Variants in CCNB1IP1 observed in about 807,000 individuals in gnomAD.
CCNB1IP1 encodes cyclin B1 interacting protein 1.
A neutral mutation model predicts 25.6 loss-of-function variants in CCNB1IP1; 14 were observed. That is an observed-to-expected ratio of 0.55 (90% CI 0.36 to 0.85). The LOEUF is 0.85. Ranked by LOEUF, CCNB1IP1 falls within the 40% of genes least tolerant of loss-of-function variation. CCNB1IP1 has a pLI of 0.01. For synonymous variants in CCNB1IP1, 119 were observed against 116.1 expected, an observed-to-expected ratio of 1.02 and a Z score of -0.16; for missense variants, 278 against 342.4, an observed-to-expected ratio of 0.81 and a Z score of 1.48.
chr14:20,332,922 A>G (rs1340261353), intron 1 of CCNB1IP1: 1 of 152,270 alleles, frequency 6.6e-6, no homozygotes, highest in Admixed American at 6.5e-5. Flanking sequence ...TCAAAACAGC[A>G]TTAGGATGAT....
At chr14:20,332,760 G>C (rs1883290316) in intron 1 of CCNB1IP1, 1 of 152,190 alleles carries the variant, frequency 6.6e-6, no homozygotes, top group African/African-American at 2.4e-5. Context: ...AAGCCGAAAT[G>C]ATCTGAGCGA....
At chr14:20,316,763 A>T (rs1488930637) in intron 4 of CCNB1IP1, among the ~76,000 whole-genome samples, 1 of 152,232 alleles carries the variant, frequency 6.6e-6, no homozygotes, top group Non-Finnish European at 1.5e-5. Flanking sequence ...AAACGCTTTA[A>T]GGACAAAGGT....
At chr14:20,325,708 G>A (rs1883054915) in intron 3 of CCNB1IP1, 55 bp from the exon 4 acceptor site, 1 of 152,126 alleles carries the variant, frequency 6.6e-6, no homozygotes, top group Admixed American at 6.5e-5. Context: ...GTTACTTTGA[G>A]TTGTTTGTAT....
At chr14:20,332,008 A>ATATATATATATGATGTG (rs1566407930) in intron 1 of CCNB1IP1, among the ~76,000 whole-genome samples, 1 of 65,924 alleles carries the variant, frequency 1.5e-5, no homozygotes, top group African/African-American at 7.6e-5. Flanking sequence ...GTGTATACAT[A>ATATATATATATGATGTG]TATATATATA....
chr14:20,325,130 A>G (rs1191982243), intron 4 of CCNB1IP1, among the ~76,000 whole-genome samples: 2 of 147,776 alleles, frequency 1.4e-5, no homozygotes, highest in Non-Finnish European at 3.0e-5. Flanking sequence ...ACTTTTAAAA[A>G]GTGAAATTTA....
intron 2 of CCNB1IP1, among the ~76,000 whole-genome samples, chr14:20,328,493 AAG>A (rs1883143265): frequency 6.6e-6 from 1 of 152,204 alleles, no homozygotes; most frequent in South Asian, 2.1e-4. Flanking sequence ...GAATGTAGAC[AAG>A]AAGCAAGACA....
At chr14:20,327,000 C>T (rs1043449022) in intron 2 of CCNB1IP1, among the ~76,000 whole-genome samples, 17 of 151,960 alleles carry the variant, frequency 1.1e-4, no homozygotes, top group African/African-American at 3.9e-4. Context: ...AGGGCAGGAT[C>T]AGGAGTTCAA....
intron 4 of CCNB1IP1, among the ~76,000 whole-genome samples, chr14:20,322,835 C>A (rs1882938981): frequency 6.6e-6 from 1 of 151,992 alleles, no homozygotes; most frequent in East Asian, 1.9e-4. Context: ...GTTGGCCAGG[C>A]TGGTCTCGAA....
chr14:20,316,658 G>T, intron 4 of CCNB1IP1, 98 bp from the exon 5 acceptor site: 2 of 621,774 alleles, frequency 3.2e-6, no homozygotes, highest in South Asian at 2.2e-5. Context: ...ATAAAATACT[G>T]CACATTTTAT....
rs1044232490 is a variant in CCNB1IP1 at position 20,329,040 on chromosome 14, G to A, written c.-231+134C>T. ...ACTACAAATTGATACTAAATCAGCA[G>A]ATACTCGTGTTAAGATTTCATCACC... On this transcript the variant is annotated intron_variant, in intron 2 of 6. Coordinates refer to ENST00000358932, the MANE Select transcript of CCNB1IP1 (RefSeq NM_021178.5). The A allele has an allele frequency of 9.2e-5, 14 of 152,174 alleles. 1 individual carries two copies. The highest frequency in any genetic ancestry group is 8.5e-4 in the Admixed American group (13 of 15,276). 9.4% of individuals were successfully genotyped at this position (152,174 alleles called of 1,614,324 possible).
In CCNB1IP1 at chr14:20,315,869, C is replaced by G. The variant is rs751696323; in HGVS notation, c.297+358G>C. ...GACTAGCCTGGGCAACACAAGAAAACCCCGTCTCAAAAGGAAGAAAAATTC... is the reference window on the plus strand; with the variant it reads ...GACTAGCCTGGGCAACACAAGAAAAGCCCGTCTCAAAAGGAAGAAAAATTC... On this transcript the variant is annotated intron_variant, in intron 5 of 6. Transcript: ENST00000358932. 108 of 652,552 alleles carry G rather than the reference C, an allele frequency of 1.7e-4. 1 individual carries two copies. In the Admixed American group the frequency reaches 1.9e-3, roughly 11 times the overall value. 40.4% of individuals were successfully genotyped at this position (652,552 alleles called of 1,614,324 possible).
chr14:20,314,585 C>T (rs991889168), intron 5 of CCNB1IP1: 2 of 151,896 alleles, frequency 1.3e-5, no homozygotes, highest in African/African-American at 2.4e-5. Context: ...AGGTATAATC[C>T]GTGAAAGAGA....
chr14:20,312,733 C>A (rs1156324480), intron 6 of CCNB1IP1, among the ~76,000 whole-genome samples: 4 of 151,078 alleles, frequency 2.6e-5, no homozygotes, highest in Admixed American at 6.6e-5. Flanking sequence ...GTCTGCAAGG[C>A]ACCTAACAAG....
chr14:20,320,402 A>C (rs1325854787), intron 4 of CCNB1IP1: 1 of 450,414 alleles, frequency 2.2e-6, no homozygotes, highest in Non-Finnish European at 4.4e-6. Flanking sequence ...CCTAGGTTAT[A>C]TTTACCATGC....
chr14:20,319,993 A>C (rs1328352924), intron 4 of CCNB1IP1, among the ~76,000 whole-genome samples: 1 of 152,218 alleles, frequency 6.6e-6, no homozygotes, highest in East Asian at 1.9e-4. Flanking sequence ...CAACTCTTTC[A>C]TTACTCGTAA....
chr14:20,327,250 G>C (rs1312549062), intron 2 of CCNB1IP1, among the ~76,000 whole-genome samples: 1 of 152,036 alleles, frequency 6.6e-6, no homozygotes, highest in East Asian at 1.9e-4. Flanking sequence ...TTATGCAAGA[G>C]GAAGGAGTCA....
rs138002924 is a variant in CCNB1IP1 at position 20,311,582 on chromosome 14, A to G, written c.802T>C (p.Ser268Pro). ...PSRELEQQQVSSRAFKVKRI is the reference protein window; with the variant it reads ...PSRELEQQQVPSRAFKVKRI Reference sequence around the variant, plus strand: ...CTTTTTACTTTGAAGGCCCTGCTAGAAACTTGCTGCTGCTCTAATTCACGA... The same window carrying G: ...CTTTTTACTTTGAAGGCCCTGCTAGGAACTTGCTGCTGCTCTAATTCACGA... The change falls in exon 7 of 7, where the codon TCT (serine) becomes CCT (proline). Residue 268 changes from serine to proline, a missense_variant. Physicochemically the swap from Ser to Pro is moderately conservative, Grantham distance 74. Transcript: ENST00000358932. 631 of 1,613,926 alleles carry G rather than the reference A, an allele frequency of 3.9e-4. 3 individuals are homozygous for G. The African/African-American group carries it at 7.6e-3, about 20-fold the overall frequency.
chr14:20,326,051 C>T (rs1594283058), intron 3 of CCNB1IP1, among the ~76,000 whole-genome samples: 1 of 152,236 alleles, frequency 6.6e-6, no homozygotes, highest in Admixed American at 6.5e-5. Context: ...AAACATAAAA[C>T]TGTATCATAA....
At chr14:20,325,985 CAT>C (rs1883063344) in intron 3 of CCNB1IP1, among the ~76,000 whole-genome samples, 1 of 152,080 alleles carries the variant, frequency 6.6e-6, no homozygotes, top group Non-Finnish European at 1.5e-5. Flanking sequence ...TAAGCAGAAA[CAT>C]ATTGCTCTAT....
Sources: gnomAD v4.1 joint callset for allele counts (sites outside exome capture counted in the v4.1 genomes callset) on GRCh38, gnomAD v4.1.1 for gene constraint, MANE v1.5 for transcripts, NCBI Gene and HGNC (gene_info 2026-07-23, HGNC 2026-07-21) for gene names.